KLHL20: variants seen among roughly 807,000 people sequenced by gnomAD.
KLHL20 encodes kelch like family member 20.
Under a neutral mutation model 69.5 loss-of-function variants are expected in KLHL20, and 29 were observed. That is an observed-to-expected ratio of 0.42 (90% CI 0.31 to 0.57). The LOEUF is 0.57. Among genes scored for constraint, KLHL20 ranks in the 20% least tolerant of loss-of-function variants. The pLI is 0.18. For missense variants in KLHL20, 419 were observed against 776.0 expected, an observed-to-expected ratio of 0.54 and a Z score of 5.47; for synonymous variants, 253 against 265.2, an observed-to-expected ratio of 0.95 and a Z score of 0.45.
At chr1:173,782,299 T>C in intron 11 of KLHL20, 69 bp downstream of exon 11, 1 of 1,169,906 alleles carries the variant, frequency 8.5e-7, no homozygotes, top group East Asian at 2.3e-5. Context: ...AAATAGCCTA[T>C]GACCATCAGA....
At chr1:173,765,361 G>A (rs1647625104) in intron 7 of KLHL20, among the ~76,000 whole-genome samples, 1 of 152,154 alleles carries the variant, frequency 6.6e-6, no homozygotes, top group African/African-American at 2.4e-5. Context: ...AAAAGAGACG[G>A]GTGTGGTGGC....
intron 2 of KLHL20, among the ~76,000 whole-genome samples, chr1:173,725,813 G>C (rs1356401568): frequency 6.6e-6 from 1 of 152,208 alleles, no homozygotes; most frequent in African/African-American, 2.4e-5. Context: ...ACAGCTTCCA[G>C]CATGAGCGAT....
intron 2 of KLHL20, among the ~76,000 whole-genome samples, chr1:173,726,417 G>A (rs182931199): frequency 3.9e-5 from 6 of 152,142 alleles, no homozygotes; most frequent in East Asian, 1.9e-4. Flanking sequence ...CTCCCAGCAC[G>A]CAGCTTGAGA....
At chr1:173,734,335 T>A (rs1436625000) in intron 3 of KLHL20, 49 bp downstream of exon 3, 1 of 1,485,500 alleles carries the variant, frequency 6.7e-7, no homozygotes, top group African/African-American at 1.4e-5. Flanking sequence ...GAGAGCAATA[T>A]GGGTTCACAT....
intron 7 of KLHL20, among the ~76,000 whole-genome samples, chr1:173,763,870 A>T (rs1177309162): frequency 6.6e-6 from 1 of 151,818 alleles, no homozygotes; most frequent in Non-Finnish European, 1.5e-5. Context: ...ATGCAATAAA[A>T]AAAAAAAAAA....
At chr1:173,772,864 A>G (rs1648183728) in intron 8 of KLHL20, among the ~76,000 whole-genome samples, 1 of 152,230 alleles carries the variant, frequency 6.6e-6, no homozygotes, top group Admixed American at 6.5e-5. Context: ...CGTACAGTCA[A>G]CCAAATCCAT....
chr1:173,769,229 C>A (rs1647930669), intron 8 of KLHL20, among the ~76,000 whole-genome samples: 1 of 152,014 alleles, frequency 6.6e-6, no homozygotes, highest in African/African-American at 2.4e-5. Flanking sequence ...TTGTGACAAC[C>A]AAAAACAGTC....
chr1:173,735,425 G>A (rs927239853), intron 3 of KLHL20, among the ~76,000 whole-genome samples: 2 of 149,176 alleles, frequency 1.3e-5, no homozygotes, highest in Non-Finnish European at 3.0e-5. Context: ...CAGCCTGGGT[G>A]AGAGAGCCAG....
chr1:173,751,983 A>G, intron 4 of KLHL20, 61 bp downstream of exon 4: 1 of 1,526,956 alleles, frequency 6.5e-7, no homozygotes, highest in Non-Finnish European at 8.9e-7. Flanking sequence ...CATGACTGTA[A>G]TCCCAGCACT....
At chr1:173,728,301 T>G (rs1342680888) in intron 2 of KLHL20, among the ~76,000 whole-genome samples, 1 of 152,098 alleles carries the variant, frequency 6.6e-6, no homozygotes, top group Admixed American at 6.6e-5. Context: ...ATGGGAGACT[T>G]TAACACCCCA....
chr1:173,782,598 A>G (rs1475104517), intron 11 of KLHL20, among the ~76,000 whole-genome samples: 3 of 152,268 alleles, frequency 2.0e-5, no homozygotes, highest in African/African-American at 7.2e-5. Flanking sequence ...AAATCTGTCC[A>G]TGCCATTTTT....
At chr1:173,716,278 G>A (rs900208168) in intron 2 of KLHL20, among the ~76,000 whole-genome samples, 1 of 152,096 alleles carries the variant, frequency 6.6e-6, no homozygotes, top group Non-Finnish European at 1.5e-5. Flanking sequence ...TGGATTGTAT[G>A]TAGTGCTAAA....
chr1:173,764,525 G>A (rs1369913039), intron 7 of KLHL20, among the ~76,000 whole-genome samples: 2 of 152,088 alleles, frequency 1.3e-5, no homozygotes, highest in Non-Finnish European at 2.9e-5. Context: ...GTATATAGAC[G>A]ATGGAATACT....
intron 5 of KLHL20, among the ~76,000 whole-genome samples, chr1:173,753,622 TC>T (rs1387893532): frequency 6.6e-6 from 1 of 152,204 alleles, no homozygotes; most frequent in Non-Finnish European, 1.5e-5. Flanking sequence ...ATTTTTTTTT[TC>T]CTTGAGATAA....
intron 8 of KLHL20, among the ~76,000 whole-genome samples, chr1:173,773,068 T>C (rs535952921): frequency 3.0e-4 from 45 of 152,244 alleles, no homozygotes; most frequent in African/African-American, 1.1e-3. Context: ...TCTCAAGCAA[T>C]CCCTGCCTCA....
chr1:173,743,517 A>T (rs1229648125), intron 3 of KLHL20, among the ~76,000 whole-genome samples: 3 of 149,618 alleles, frequency 2.0e-5, no homozygotes, highest in African/African-American at 5.0e-5. Context: ...ACTTACTATG[A>T]TGGTTGCAAA....
chr1:173,773,012 T>G (rs1333345869), intron 8 of KLHL20, among the ~76,000 whole-genome samples: 1 of 152,220 alleles, frequency 6.6e-6, no homozygotes, highest in Non-Finnish European at 1.5e-5. Context: ...GGTCTCACTC[T>G]GTCACCCAGG....
chr1:173,772,388 A>G (rs1305894068), intron 8 of KLHL20, among the ~76,000 whole-genome samples: 2 of 152,242 alleles, frequency 1.3e-5, no homozygotes, highest in African/African-American at 4.8e-5. Flanking sequence ...GATAATTGCA[A>G]TAGATTGAAA....
intron 7 of KLHL20, among the ~76,000 whole-genome samples, chr1:173,757,613 C>G (rs1296435488): frequency 1.4e-5 from 2 of 148,094 alleles, no homozygotes; most frequent in African/African-American, 5.0e-5. Context: ...TGCAGTGAGC[C>G]GAGATCACGC....
Sources: allele counts gnomAD v4.1 joint callset (sites outside exome capture counted in the v4.1 genomes callset), GRCh38; gene constraint gnomAD v4.1.1; transcripts MANE v1.5; gene names NCBI Gene and HGNC (gene_info 2026-07-23, HGNC 2026-07-21).